The following RGS2 variants were observed in gnomAD, a reference collection of about 807,000 sequenced individuals.
RGS2 encodes regulator of G protein signaling 2.
In RGS2, 20 loss-of-function variants were observed where a neutral mutation model predicts 26.6. The observed-to-expected ratio is 0.75, with a 90% CI of 0.53 to 1.09. The LOEUF is 1.09. Ranked by LOEUF, RGS2 falls within the 50% of genes least tolerant of loss-of-function variation. RGS2 has a pLI of 0.00. For synonymous variants in RGS2, 97 were observed against 79.9 expected (o/e 1.21, Z -1.14); for missense variants, 246 against 245.5 (o/e 1.00, Z -0.01).
rs983797119 is a variant in RGS2 at position 192,811,653 on chromosome 1, G to T, written c.*57G>T. ...TTTCATTCTTTTTCCTGAGGGGAAGGACTGTGACCTGCCATAAAGACTGAC... is the reference window on the plus strand; with the variant it reads ...TTTCATTCTTTTTCCTGAGGGGAAGTACTGTGACCTGCCATAAAGACTGAC... On this transcript the variant is annotated 3_prime_UTR_variant, in exon 5 of 5. Transcript: ENST00000235382. The T allele has an allele frequency of 2.2e-4, 327 of 1,499,012 alleles. No homozygotes were observed. Among genetic ancestry groups the T allele is most frequent in the Non-Finnish European group, 2.9e-4 (316 of 1,075,754 alleles). 92.9% of individuals were successfully genotyped at this position (1,499,012 alleles called of 1,614,324 possible).
At chr1:192,811,228 G>T in intron 4 of RGS2, 81 bp downstream of exon 4, 5 of 1,519,976 alleles carry the variant, frequency 3.3e-6, no homozygotes, top group Non-Finnish European at 4.6e-6. Context: ...AGGACAAAGC[G>T]GGCTAGGAGG....
Position 192,811,577 on chromosome 1 carries a change from C to T in RGS2, c.617C>T (p.Thr206Ile), listed in dbSNP as rs776294332. ...TTGTGTAAAAAGCCACAAATCACCA[C>T]AGAGCCTCATGCTACATGAAATGTA... ...QDLCKKPQIT[T>I]EPHAT Residue 206 changes from threonine to isoleucine, a missense_variant, in exon 5 of 5, where the codon ACA (threonine) becomes ATA (isoleucine). Transcript: ENST00000235382. The T allele has an allele frequency of 6.2e-7, 1 of 1,614,088 alleles. No homozygotes were observed. The highest frequency in any genetic ancestry group is 1.1e-5 in the South Asian group (1 of 91,070).
At position 192,810,361 on chromosome 1, in the gene RGS2, C is replaced by G; in HGVS notation, c.213-9C>G. 6.2e-7 allele frequency: 1 copy of G among 1,614,138 alleles called. No homozygotes were observed. Among genetic ancestry groups the G allele is most frequent in the East Asian group, 2.2e-5 (1 of 44,892 alleles). On this transcript the variant is annotated splice_polypyrimidine_tract_variant and intron_variant, in intron 2 of 4. Transcript: ENST00000235382. ...GTGCGTAAGCTAACATACAGAACCT[C>G]TCTTGCAGGCCTTCTCCTGAGGAAG...
chr1:192,811,361 ACT>A, intron 4 of RGS2, 39 bp from the exon 5 acceptor site: 1 of 1,515,336 alleles, frequency 6.6e-7, no homozygotes. Flanking sequence ...TTAATCTTTA[ACT>A]CTGAATACCA....
At chr1:192,809,672 G>A (rs1665553832) in intron 1 of RGS2, 1 of 270,854 alleles carries the variant, frequency 3.7e-6, no homozygotes, top group Non-Finnish European at 7.3e-6. Flanking sequence ...TGTCGTAGGT[G>A]GGGAAGGAAG....
intron 1 of RGS2, chr1:192,809,493 C>G (rs1665551791): frequency 2.4e-6 from 1 of 416,328 alleles, no homozygotes; most frequent in Non-Finnish European, 4.5e-6. Flanking sequence ...AGCATTCATA[C>G]GTTGCATGAT....
chr1:192,811,471 A>G lies in RGS2; in HGVS notation c.511A>G (p.Thr171Ala), dbSNP rs375268381. 2 of 1,614,142 alleles carry G rather than the reference A, an allele frequency of 1.2e-6. No individual in the cohort carries two copies. Among genetic ancestry groups the G allele is most frequent in the East Asian group, 4.5e-5 (2 of 44,880 alleles). Residue 171 changes from threonine to alanine, a missense_variant, in exon 5 of 5, where the codon ACA (threonine) becomes GCA (alanine). Coordinates refer to ENST00000235382, the MANE Select transcript of RGS2 (RefSeq NM_002923.4). Reference sequence around the variant, plus strand: ...ACAAGAAGCTACAAGTGGCTGCTTTACAACTGCCCAGAAAAGGGTATACAG... The same window carrying G: ...ACAAGAAGCTACAAGTGGCTGCTTTGCAACTGCCCAGAAAAGGGTATACAG... ...NIQEATSGCF[T>A]TAQKRVYSLM... is the part of the protein sequence containing the mutation.
chr1:192,809,435 T>C (rs1209930959), intron 1 of RGS2: 6 of 507,186 alleles, frequency 1.2e-5, no homozygotes, highest in Non-Finnish European at 2.2e-5. Flanking sequence ...CTTTTTGTCC[T>C]CCTGCATTCA....
intron 1 of RGS2, chr1:192,809,483 A>G: frequency 2.3e-6 from 1 of 430,136 alleles, no homozygotes; most frequent in East Asian, 5.0e-5. Flanking sequence ...GCGCGTCCCC[A>G]GCATTCATAC....
In RGS2 at chr1:192,811,644, G is replaced by A. The variant is rs374584007; in HGVS notation, c.*48G>A. The A allele has an allele frequency of 3.2e-6, 5 of 1,560,932 alleles. No individual in the cohort carries two copies. The highest frequency in any genetic ancestry group is 8.8e-7 in the Non-Finnish European group (1 of 1,131,688). ...TGGAGGACATTTCATTCTTTTTCCT[G>A]AGGGGAAGGACTGTGACCTGCCATA... is the stretch of plus-strand genomic sequence containing the variant. On this transcript the variant is annotated 3_prime_UTR_variant, in exon 5 of 5. Coordinates refer to ENST00000235382, the MANE Select transcript of RGS2 (RefSeq NM_002923.4).
chr1:192,809,378 A>C (rs1293750489), intron 1 of RGS2, 197 bp downstream of exon 1: 3 of 603,236 alleles, frequency 5.0e-6, no homozygotes, highest in Non-Finnish European at 6.2e-6. Context: ...CGAGGGAGAC[A>C]GTTGATATGA....
At chr1:192,811,241 T>A in intron 4 of RGS2, 94 bp downstream of exon 4, 5 of 1,454,510 alleles carry the variant, frequency 3.4e-6, no homozygotes, top group Non-Finnish European at 4.8e-6. Flanking sequence ...CTAGGAGGGG[T>A]AAAAAGTCCC....
At position 192,811,854 on chromosome 1, in the gene RGS2, A is replaced by G; in HGVS notation, c.*258A>G. On this transcript the variant is annotated 3_prime_UTR_variant, in exon 5 of 5. Coordinates refer to ENST00000235382, the MANE Select transcript of RGS2 (RefSeq NM_002923.4). The stretch of plus-strand genomic sequence containing the variant: ...GTCTGAACGTGGTGTCTCACTCTGA[A>G]AAGCAGGAATGTAAGATGATGAAAG... 1.9e-6 allele frequency: 1 copy of G among 526,368 alleles called. No homozygotes were observed. The highest frequency in any genetic ancestry group is 3.4e-6 in the Non-Finnish European group (1 of 290,706). The allele number at this position is 526,368 out of a possible 1,614,324, so 32.6% of individuals were successfully genotyped here.
At chr1:192,810,944 T>A (rs1665580328) in intron 3 of RGS2, 37 bp from the exon 4 acceptor site, 2 of 1,589,726 alleles carry the variant, frequency 1.3e-6, no homozygotes, top group Admixed American at 3.4e-5. Flanking sequence ...CTCTCAGTTC[T>A]TCACATTCTG....
Position 192,811,407 on chromosome 1 carries a change from CAT to C in RGS2, c.449_450del (p.Ile150ArgfsTer50), listed in dbSNP as rs1377702197. ...IEKEAPKEINIDFQTKTLIAQ... is the reference protein window; with the variant it reads ...IEKEAPKEINXDFQTKTLIAQ... Reference sequence around the variant, plus strand: ...ACTTTTTTGTTTTATTTCAGATAAACATAGATTTTCAAACCAAAACTCTGATT... The same window carrying C: ...ACTTTTTTGTTTTATTTCAGATAAACAGATTTTCAAACCAAAACTCTGATT... On this transcript the variant is annotated frameshift_variant, in exon 5 of 5. Coordinates refer to ENST00000235382, the MANE Select transcript of RGS2 (RefSeq NM_002923.4). LOFTEE classifies it high-confidence loss of function. 11 of 1,611,498 alleles carry C rather than the reference CAT, an allele frequency of 6.8e-6. No homozygotes were observed. The highest frequency in any genetic ancestry group is 6.7e-5 in the Admixed American group (4 of 59,824).
Position 192,811,672 on chromosome 1 carries a change from G to C in RGS2, c.*76G>C. ...GGGAAGGACTGTGACCTGCCATAAA[G>C]ACTGACCTTGAATTCAGCCTGGGTG... On this transcript the variant is annotated 3_prime_UTR_variant, in exon 5 of 5. Transcript: ENST00000235382. 7.3e-7 allele frequency: 1 copy of C among 1,368,958 alleles called. No individual in the cohort carries two copies. The highest frequency in any genetic ancestry group is 1.0e-6 in the Non-Finnish European group (1 of 956,910). The allele number at this position is 1,368,958 out of a possible 1,614,324, so 84.8% of individuals were successfully genotyped here. A position where few individuals can be genotyped will look rare whatever the true frequency, so the allele number is the denominator to read the frequency against.
chr1:192,809,230 A>C (rs1216862472), intron 1 of RGS2, 49 bp downstream of exon 1: 1 of 1,322,092 alleles, frequency 7.6e-7, no homozygotes, highest in South Asian at 1.2e-5. Flanking sequence ...CCCACACTGC[A>C]AGCTGCAAAC....
chr1:192,809,114 C>T lies in RGS2; in HGVS notation c.43C>T (p.Pro15Ser). 1 of 1,614,036 alleles carries T rather than the reference C, an allele frequency of 6.2e-7. No individual in the cohort carries two copies. The highest frequency in any genetic ancestry group is 8.5e-7 in the Non-Finnish European group (1 of 1,179,934). ...CTTGGCTGTTCAACACGACTGCAGA[C>T]CCATGGACAAGAGCGCAGGCAGTGG... ...MFLAVQHDCR[P>S]MDKSAGSGHK... The change falls in exon 1 of 5, where the codon CCC becomes TCC. Residue 15 changes from proline (P) to serine (S), a missense_variant. By Grantham distance (74) the Pro-to-Ser change is moderately conservative. Coordinates refer to ENST00000235382, the MANE Select transcript of RGS2 (RefSeq NM_002923.4).
At position 192,811,513 on chromosome 1, in the gene RGS2, T is replaced by C; in HGVS notation, c.553T>C (p.Ser185Pro). 6.2e-7 allele frequency: 1 copy of C among 1,614,120 alleles called. No homozygotes were observed. Among genetic ancestry groups the C allele is most frequent in the Non-Finnish European group, 8.5e-7 (1 of 1,179,988 alleles). Residue 185 changes from serine (S) to proline (P), a missense_variant, in exon 5 of 5, where the codon TCT (serine) becomes CCT (proline). Transcript: ENST00000235382. Reference sequence around the variant, plus strand: ...GGTATACAGCTTGATGGAGAACAACTCTTATCCTCGTTTCTTGGAGTCAGA... The same window carrying C: ...GGTATACAGCTTGATGGAGAACAACCCTTATCCTCGTTTCTTGGAGTCAGA... Reference protein sequence around the residue: ...KRVYSLMENNSYPRFLESEFY... With the variant: ...KRVYSLMENNPYPRFLESEFY...
Sources: allele counts gnomAD v4.1 joint callset, GRCh38; gene constraint gnomAD v4.1.1; transcripts MANE v1.5; gene names NCBI Gene and HGNC (gene_info 2026-07-23, HGNC 2026-07-21).